Variants in MICU3 observed in about 807,000 individuals in gnomAD.
The protein encoded by MICU3 is calcium uptake protein 3, mitochondrial.
MICU3 carries 62 observed loss-of-function variants against 66.5 expected under a neutral mutation model. The ratio of observed to expected loss-of-function variants is 0.93; its 90% CI spans 0.76 to 1.15. MICU3 has a LOEUF of 1.15. Among genes scored for constraint, MICU3 ranks in the 50% most tolerant of loss-of-function variants. The pLI, the probability that MICU3 is intolerant of heterozygous loss-of-function variation, is 0.00. For synonymous variants in MICU3, 308 were observed against 240.7 expected, an observed-to-expected ratio of 1.28 and a Z score of -2.59; for missense variants, 779 against 664.4, an observed-to-expected ratio of 1.17 and a Z score of -1.90.
chr8:17,042,183 C>CT (rs915272234), intron 1 of MICU3, among the ~76,000 whole-genome samples: 7 of 152,198 alleles, frequency 4.6e-5, no homozygotes, highest in South Asian at 4.1e-4. Context: ...CTAATTAGTA[C>CT]TTTTTTTACC....
chr8:17,102,393 A>G (rs1301555102), intron 9 of MICU3: 2 of 152,072 alleles, frequency 1.3e-5, no homozygotes, highest in Non-Finnish European at 2.9e-5. Context: ...TTTTTTCCCA[A>G]AAGTTATTTG....
chr8:17,073,881 T>C (rs953994429), intron 3 of MICU3, among the ~76,000 whole-genome samples: 2 of 152,066 alleles, frequency 1.3e-5, no homozygotes, highest in African/African-American at 4.8e-5. Flanking sequence ...GAAAACAAGG[T>C]TGAGTAAAAG....
At chr8:17,135,841 C>A in the MICU3 span, among the ~76,000 whole-genome samples, 3 of 151,988 alleles carry the variant, frequency 2.0e-5, no homozygotes, top group Non-Finnish European at 2.9e-5. Context: ...ACTGATAAAT[C>A]GGTTATATCA....
chr8:17,047,972 A>T (rs1465337439), intron 1 of MICU3, among the ~76,000 whole-genome samples: 1 of 152,200 alleles, frequency 6.6e-6, no homozygotes, highest in East Asian at 1.9e-4. Context: ...AATGAAGTGG[A>T]TTTCAAATAG....
At chr8:17,111,140 C>G (rs1802173674) in intron 11 of MICU3, among the ~76,000 whole-genome samples, 1 of 151,906 alleles carries the variant, frequency 6.6e-6, no homozygotes, top group Non-Finnish European at 1.5e-5. Flanking sequence ...TTGGCCATTT[C>G]TTTGGAGAAA....
chr8:17,068,186 G>A (rs1247471779), intron 2 of MICU3, among the ~76,000 whole-genome samples: 1 of 152,058 alleles, frequency 6.6e-6, no homozygotes, highest in Non-Finnish European at 1.5e-5. Flanking sequence ...ATTTATATGT[G>A]CAGTAACTTC....
chr8:17,054,738 C>CT (rs559605289), intron 1 of MICU3, among the ~76,000 whole-genome samples: 17,732 of 122,646 alleles, frequency 0.14, 1,690 homozygotes, highest in East Asian at 0.24. Flanking sequence ...TTCTTTCTTT[C>CT]TTTTTTTTTT....
intron 8 of MICU3, among the ~76,000 whole-genome samples, chr8:17,096,759 T>C (rs3898766): frequency 0.27 from 41,616 of 151,692 alleles, 5,936 homozygotes; most frequent in South Asian, 0.34. Context: ...ATTTTTTAAA[T>C]TTGAAAAGTT....
At chr8:17,131,521 C>T in the MICU3 span, 7 of 152,812 alleles carry the variant, frequency 4.6e-5, no homozygotes, top group African/African-American at 1.2e-4. Flanking sequence ...CTCTAGGAGC[C>T]CAGCATGCCT....
At chr8:17,069,798 A>G in intron 3 of MICU3, 79 bp downstream of exon 3, 1 of 468,604 alleles carries the variant, frequency 2.1e-6, no homozygotes, top group East Asian at 4.9e-5. Flanking sequence ...AATATATTTC[A>G]TAAAATATAT....
At chr8:17,043,553 T>C (rs1025896336) in intron 1 of MICU3, among the ~76,000 whole-genome samples, 3 of 152,208 alleles carry the variant, frequency 2.0e-5, no homozygotes, top group Non-Finnish European at 4.4e-5. Flanking sequence ...GAGATCAGTG[T>C]GACTTAAACA....
At chr8:17,072,638 A>G (rs1341442965) in intron 3 of MICU3, among the ~76,000 whole-genome samples, 1 of 152,156 alleles carries the variant, frequency 6.6e-6, no homozygotes, top group Non-Finnish European at 1.5e-5. Context: ...AGTCACGTAG[A>G]ACCCCTTTTT....
the MICU3 span, among the ~76,000 whole-genome samples, chr8:17,136,046 T>A: frequency 6.6e-6 from 1 of 152,238 alleles, no homozygotes; most frequent in South Asian, 2.1e-4. Context: ...TTATAGGACA[T>A]AGTTGAGATA....
At chr8:17,097,104 G>A (rs1299784111) in intron 8 of MICU3, among the ~76,000 whole-genome samples, 1 of 151,418 alleles carries the variant, frequency 6.6e-6, no homozygotes, top group African/African-American at 2.4e-5. Flanking sequence ...TTCTAGTTTG[G>A]TGGGTTTAAC....
chr8:17,123,045 GC>G (rs1370213542), downstream of MICU3, among the ~76,000 whole-genome samples: 2 of 151,886 alleles, frequency 1.3e-5, no homozygotes, highest in Non-Finnish European at 2.9e-5. Flanking sequence ...AAAATATAAT[GC>G]TTTTACTTCC....
chr8:17,042,146 G>C (rs779023148), intron 1 of MICU3, among the ~76,000 whole-genome samples: 23 of 151,882 alleles, frequency 1.5e-4, no homozygotes, highest in Admixed American at 7.2e-4. Flanking sequence ...TCTCTTTTTT[G>C]ATTTGTATAA....
At chr8:17,100,300 T>C (rs1357734543) in intron 9 of MICU3, among the ~76,000 whole-genome samples, 1 of 151,578 alleles carries the variant, frequency 6.6e-6, no homozygotes, top group Admixed American at 6.6e-5. Flanking sequence ...AATTAATGAA[T>C]GAATTGAATC....
intron 8 of MICU3, among the ~76,000 whole-genome samples, chr8:17,096,107 T>A (rs1164446560): frequency 6.6e-6 from 1 of 151,934 alleles, no homozygotes. Context: ...GTAGCTCAGA[T>A]AGCAAACAAA....
At chr8:17,135,689 C>T in the MICU3 span, among the ~76,000 whole-genome samples, 393 of 152,132 alleles carry the variant, frequency 2.6e-3, 1 homozygote, top group Non-Finnish European at 3.1e-3. Flanking sequence ...AGAAATCTTT[C>T]GAATTCCCAT....
Sources: gnomAD v4.1 joint callset for allele counts (sites outside exome capture counted in the v4.1 genomes callset) on GRCh38, gnomAD v4.1.1 for gene constraint, MANE v1.5 for transcripts, NCBI Gene and HGNC (gene_info 2026-07-23, HGNC 2026-07-21) for gene names.